The following PTPRZ1 variants were observed in gnomAD, a reference collection of about 807,000 sequenced individuals.
PTPRZ1 encodes protein tyrosine phosphatase receptor type Z1.
A neutral mutation model predicts 214.1 loss-of-function variants in PTPRZ1; 82 were observed. That is an observed-to-expected ratio of 0.38 (90% CI 0.32 to 0.46). The LOEUF (loss-of-function observed/expected upper bound fraction) is 0.46, where lower values mean the gene tolerates loss of function less well. Among genes scored for constraint, PTPRZ1 ranks in the 20% least tolerant of loss-of-function variants. The pLI is 1.00. For synonymous variants in PTPRZ1, 945 were observed against 987.9 expected (o/e 0.96, Z 0.81); for missense variants, 2,603 against 2,748.7 (o/e 0.95, Z 1.19).
intron 2 of PTPRZ1, among the ~76,000 whole-genome samples, chr7:121,946,617 T>C (rs1796383263): frequency 6.6e-6 from 1 of 152,102 alleles, no homozygotes; most frequent in Admixed American, 6.5e-5. Flanking sequence ...AAAAAATAAA[T>C]TTAATGAAGA....
rs1300289376 is a variant in PTPRZ1 at position 121,997,922 on chromosome 7, C to A, written c.1156C>A (p.Leu386Ile). 6.2e-7 allele frequency: 1 copy of A among 1,610,740 alleles called. No homozygotes were observed. The highest frequency in any genetic ancestry group is 1.1e-5 in the South Asian group (1 of 90,916). Residue 386 changes from leucine to isoleucine, a missense_variant, in exon 10 of 30, where the codon CTT (leucine) becomes ATT (isoleucine). By Grantham distance (5) the Leu-to-Ile change is conservative. Around this residue, in one of 6 missense-constraint regions of PTPRZ1, gnomAD observed 244 missense variants for 333.2 expected, o/e 0.73. Transcript: ENST00000393386. ...NNLLPNMSYV[L>I]QIVAICTNGL... ...TTTGCTACCCAATATGAGTTATGTT[C>A]TTCAGATAGTAGCCATATGCACTAA...
chr7:122,000,699 A>T (rs1447584106), intron 10 of PTPRZ1, among the ~76,000 whole-genome samples: 2 of 88,374 alleles, frequency 2.3e-5, no homozygotes, highest in East Asian at 3.6e-4. Flanking sequence ...ATATATATAT[A>T]TATTTGAGGT....
intron 1 of PTPRZ1, among the ~76,000 whole-genome samples, chr7:121,919,421 A>G (rs1325123234): frequency 6.6e-6 from 1 of 152,030 alleles, no homozygotes; most frequent in Non-Finnish European, 1.5e-5. Flanking sequence ...ATGTATTTTA[A>G]CATTTATCAA....
chr7:121,913,506 T>C (rs1795336446), intron 1 of PTPRZ1, among the ~76,000 whole-genome samples: 1 of 152,210 alleles, frequency 6.6e-6, no homozygotes, highest in African/African-American at 2.4e-5. Context: ...AAATAAAATA[T>C]CTGGATGTTT....
intron 23 of PTPRZ1, among the ~76,000 whole-genome samples, chr7:122,049,736 T>C (rs1432174376): frequency 6.6e-6 from 1 of 152,166 alleles, no homozygotes; most frequent in East Asian, 1.9e-4. Flanking sequence ...GTCAATGCAG[T>C]ATCAATCGAA....
At chr7:122,054,232 GT>G (rs1305804124) in intron 26 of PTPRZ1, among the ~76,000 whole-genome samples, 194 bp downstream of exon 26, 2 of 152,072 alleles carry the variant, frequency 1.3e-5, no homozygotes, top group Non-Finnish European at 2.9e-5. Flanking sequence ...ATGAATAAAA[GT>G]TTTAAATGAA....
In PTPRZ1 at chr7:121,976,915, A is replaced by G. The variant is rs189593652; in HGVS notation, c.619+64A>G. 790 of 1,403,038 alleles carry G rather than the reference A, an allele frequency of 5.6e-4. 4 individuals are homozygous for G. Among genetic ancestry groups the G allele is most frequent in the Middle Eastern group, 4.1e-3 (23 of 5,570 alleles). 86.9% of individuals were successfully genotyped at this position (1,403,038 alleles called of 1,614,324 possible). A position where few individuals can be genotyped will look rare whatever the true frequency, so the allele number is the denominator to read the frequency against. On this transcript the variant is annotated intron_variant, in intron 6 of 29. Coordinates refer to ENST00000393386, the MANE Select transcript of PTPRZ1 (RefSeq NM_002851.3). ...CTTTGGATGGATAAGAATGTTGACA[A>G]TACGACAAAAGTCACTTGTTCCAAA...
At position 122,034,078 on chromosome 7, in the gene PTPRZ1, A is replaced by G; in HGVS notation, c.5167-17A>G. Reference sequence around the variant, plus strand: ...AATTTGATTTCTTTACTTTTTTGGCATTCATTCCCTCATTAGACACTGAAA... The same window carrying G: ...AATTTGATTTCTTTACTTTTTTGGCGTTCATTCCCTCATTAGACACTGAAA... On this transcript the variant is annotated splice_polypyrimidine_tract_variant and intron_variant, in intron 15 of 29. Coordinates refer to ENST00000393386, the MANE Select transcript of PTPRZ1 (RefSeq NM_002851.3). 1 of 1,581,548 alleles carries G rather than the reference A, an allele frequency of 6.3e-7. No homozygotes were observed. Among genetic ancestry groups the G allele is most frequent in the Non-Finnish European group, 8.7e-7 (1 of 1,152,938 alleles).
chr7:121,877,982 A>G (rs1794114224), intron 1 of PTPRZ1, among the ~76,000 whole-genome samples: 1 of 150,822 alleles, frequency 6.6e-6, no homozygotes, highest in South Asian at 2.1e-4. Context: ...GTATATATAT[A>G]TAAAATATAT....
At chr7:121,897,052 C>T (rs1794806147) in intron 1 of PTPRZ1, among the ~76,000 whole-genome samples, 1 of 152,100 alleles carries the variant, frequency 6.6e-6, no homozygotes, top group Non-Finnish European at 1.5e-5. Flanking sequence ...TTTGTATTGT[C>T]CTTATTAATA....
chr7:121,949,466 C>T (rs1796489868), intron 2 of PTPRZ1, among the ~76,000 whole-genome samples: 1 of 152,190 alleles, frequency 6.6e-6, no homozygotes, highest in African/African-American at 2.4e-5. Context: ...GAAAACTCAT[C>T]TATATTATCA....
chr7:122,038,661 A>G lies in PTPRZ1; in HGVS notation c.5368-94A>G, dbSNP rs878892964. 8.8e-6 allele frequency: 11 copies of G among 1,250,050 alleles called. No homozygotes were observed. The South Asian group carries it at 1.8e-4, about 21-fold the overall frequency. The allele number at this position is 1,250,050 out of a possible 1,614,324, so 77.4% of individuals were successfully genotyped here. ...TTATTTTTTATGGTTTTCTTTTACGAAAAATTATGCTGACCTTAAAAACTT... is the reference window on the plus strand; with the variant it reads ...TTATTTTTTATGGTTTTCTTTTACGGAAAATTATGCTGACCTTAAAAACTT... On this transcript the variant is annotated intron_variant, in intron 18 of 29. Coordinates refer to ENST00000393386, the MANE Select transcript of PTPRZ1 (RefSeq NM_002851.3).
intron 17 of PTPRZ1, among the ~76,000 whole-genome samples, chr7:122,035,927 C>T (rs1799520431): frequency 6.6e-6 from 1 of 152,104 alleles, no homozygotes; most frequent in Non-Finnish European, 1.5e-5. Flanking sequence ...TTTGAATTAC[C>T]ATAGTTATAC....
chr7:121,881,275 C>T (rs1014431656), intron 1 of PTPRZ1, among the ~76,000 whole-genome samples: 1 of 152,212 alleles, frequency 6.6e-6, no homozygotes, highest in Non-Finnish European at 1.5e-5. Context: ...TGATCTTAAA[C>T]TTCCCAGCCT....
chr7:122,048,845 A>T (rs28579799), intron 23 of PTPRZ1, among the ~76,000 whole-genome samples: 10,427 of 152,206 alleles, frequency 0.069, 494 homozygotes, highest in African/African-American at 0.13. Context: ...TAGCATAAAA[A>T]ATCCAGGTGG....
At chr7:121,896,531 C>T (rs1221026565) in intron 1 of PTPRZ1, among the ~76,000 whole-genome samples, 2 of 152,086 alleles carry the variant, frequency 1.3e-5, no homozygotes, top group South Asian at 2.1e-4. Context: ...GGAAGAAAAC[C>T]CGTCATATGC....
intron 1 of PTPRZ1, among the ~76,000 whole-genome samples, chr7:121,921,057 G>A (rs1795583659): frequency 6.6e-6 from 1 of 152,024 alleles, no homozygotes; most frequent in Non-Finnish European, 1.5e-5. Flanking sequence ...GATTTTTAAA[G>A]TATTTTTGCC....
At position 121,891,295 on chromosome 7, in the gene PTPRZ1, A is replaced by G. The variant is rs1433872168; in HGVS notation, c.58+17738A>G. On this transcript the variant is annotated intron_variant, in intron 1 of 29. Coordinates refer to ENST00000393386, the MANE Select transcript of PTPRZ1 (RefSeq NM_002851.3). Reference sequence around the variant, plus strand: ...TTTTTCTCCTTAGTTCTTATCACTCATGCATTTTTCTAAATTATTTTATTC... The same window carrying G: ...TTTTTCTCCTTAGTTCTTATCACTCGTGCATTTTTCTAAATTATTTTATTC... 2.6e-5 allele frequency among the ~76,000 whole-genome samples: 4 copies of G among 151,810 alleles called. No individual in the cohort carries two copies. In the East Asian group the frequency reaches 5.8e-4, roughly 22 times the overall value.
chr7:121,987,796 A>T (rs1489440730), intron 8 of PTPRZ1, among the ~76,000 whole-genome samples: 1 of 152,198 alleles, frequency 6.6e-6, no homozygotes, highest in East Asian at 1.9e-4. Flanking sequence ...TCAGTGGTAG[A>T]TTAAAAAAAT....
Sources: gnomAD v4.1 joint callset for allele counts (sites outside exome capture counted in the v4.1 genomes callset) on GRCh38, gnomAD v4.1.1 for gene constraint, gnomAD v4.1.1 regional missense constraint, MANE v1.5 for transcripts, NCBI Gene and HGNC (gene_info 2026-07-23, HGNC 2026-07-21) for gene names.